KSR1: variants seen among roughly 807,000 people sequenced by gnomAD.
KSR1 encodes kinase suppressor of ras.
A neutral mutation model predicts 92.9 loss-of-function variants in KSR1; 35 were observed. That is an observed-to-expected ratio of 0.38 (90% CI 0.29 to 0.50). KSR1 has a LOEUF of 0.50. KSR1 is among the 20% of genes least tolerant of loss of function. KSR1 has a pLI of 0.94. For missense variants in KSR1, 972 were observed against 1,158.5 expected (o/e 0.84, Z 2.34); for synonymous variants, 467 against 472.6 (o/e 0.99, Z 0.15).
intron 1 of KSR1, among the ~76,000 whole-genome samples, chr17:27,518,527 C>G (rs191029704): frequency 4.6e-5 from 7 of 152,310 alleles, no homozygotes; most frequent in Admixed American, 3.3e-4. Flanking sequence ...CACCCAGTGC[C>G]CATTCATCAT....
At chr17:27,525,032 T>A (rs2070204380) in intron 1 of KSR1, among the ~76,000 whole-genome samples, 1 of 152,244 alleles carries the variant, frequency 6.6e-6, no homozygotes, top group African/African-American at 2.4e-5. Context: ...AATGTGATCA[T>A]TCTAGACACA....
intron 18 of KSR1, among the ~76,000 whole-genome samples, chr17:27,616,002 A>G (rs1048253911): frequency 2.6e-5 from 4 of 152,186 alleles, no homozygotes; most frequent in African/African-American, 4.8e-5. Context: ...GTGGATGCCT[A>G]TCTTACTCTT....
chr17:27,602,036 C>A, intron 11 of KSR1: 1 of 979,876 alleles, frequency 1.0e-6, no homozygotes, highest in East Asian at 2.6e-5. Context: ...ATTCCTGCCC[C>A]TAAAGTGCTT....
intron 1 of KSR1, among the ~76,000 whole-genome samples, chr17:27,492,078 G>A (rs1278656333): frequency 1.3e-5 from 2 of 152,198 alleles, no homozygotes; most frequent in African/African-American, 4.8e-5. Flanking sequence ...GCCTTTGCTG[G>A]AGACAGACGG....
intron 18 of KSR1, among the ~76,000 whole-genome samples, chr17:27,613,843 G>A (rs989667519): frequency 2.6e-5 from 4 of 152,152 alleles, no homozygotes; most frequent in South Asian, 2.1e-4. Flanking sequence ...TTGCTCTGTC[G>A]CCCAGGCTGA....
intron 1 of KSR1, among the ~76,000 whole-genome samples, chr17:27,534,644 C>T (rs1469103651): frequency 2.0e-5 from 3 of 152,216 alleles, no homozygotes; most frequent in East Asian, 1.9e-4. Flanking sequence ...TATACAGCAG[C>T]GGCATCCTGT....
rs996174890 is a variant in KSR1 at position 27,626,088 on chromosome 17, G to A, written c.*2696G>A. 1 of 152,268 alleles carries A rather than the reference G, an allele frequency of 6.6e-6. No individual in the cohort carries two copies. Among genetic ancestry groups the A allele is most frequent in the South Asian group, 2.1e-4 (1 of 4,836 alleles). 9.4% of individuals were successfully genotyped at this position (152,268 alleles called of 1,614,324 possible). On this transcript the variant is annotated 3_prime_UTR_variant, in exon 21 of 21. Transcript: ENST00000644974. The stretch of plus-strand genomic sequence containing the variant: ...AAGCCCTGGAAACCTGTGTTATTCT[G>A]TGTTGATTTGGTGTGGGGGGAGGGT...
In KSR1 at chr17:27,625,566, GC is replaced by G. The variant is rs1275503885; in HGVS notation, c.*2176del. The G allele has an allele frequency of 6.6e-6, 1 of 152,220 alleles. No individual in the cohort carries two copies. Among genetic ancestry groups the G allele is most frequent in the Admixed American group, 6.5e-5 (1 of 15,288 alleles). 9.4% of individuals were successfully genotyped at this position (152,220 alleles called of 1,614,324 possible). On this transcript the variant is annotated 3_prime_UTR_variant, in exon 21 of 21. Coordinates refer to ENST00000644974, the MANE Select transcript of KSR1 (RefSeq NM_001394583.1). ...AAGGACTGGGGGCAGCTGGCTCTCA[GC>G]CTGCCACCTCTGCACTGCCTGCCTT...
intron 1 of KSR1, among the ~76,000 whole-genome samples, chr17:27,538,490 A>G (rs1371750191): frequency 6.6e-6 from 1 of 152,230 alleles, no homozygotes; most frequent in Admixed American, 6.5e-5. Flanking sequence ...AAACTGTCAC[A>G]GGTAACCAGC....
At chr17:27,617,246 C>A (rs753210934) in intron 18 of KSR1, 49 bp from the exon 19 acceptor site, 2 of 1,565,234 alleles carry the variant, frequency 1.3e-6, no homozygotes, top group Non-Finnish European at 1.7e-6. Flanking sequence ...CTGTGTGCCC[C>A]CTCCCTCCCA....
At chr17:27,562,764 C>T (rs1350425490) in intron 2 of KSR1, among the ~76,000 whole-genome samples, 2 of 152,226 alleles carry the variant, frequency 1.3e-5, no homozygotes, top group East Asian at 1.9e-4. Context: ...ACATAAATTT[C>T]AGTGGCCCCT....
In KSR1 at chr17:27,603,772, G is replaced by C. The variant is rs746323733; in HGVS notation, c.1511-62G>C. 197 of 1,553,972 alleles carry C rather than the reference G, an allele frequency of 1.3e-4. No homozygotes were observed. The Middle Eastern group carries it at 1.3e-3, about 11-fold the overall frequency. The stretch of plus-strand genomic sequence containing the variant: ...TCTGGGGGTGCTGGGTTTCAAGCAC[G>C]GTGTCTCTTTGGGGAGAGGAAAGCA... On this transcript the variant is annotated intron_variant, in intron 11 of 20. Coordinates refer to ENST00000644974, the MANE Select transcript of KSR1 (RefSeq NM_001394583.1).
intron 9 of KSR1, 139 bp from the exon 10 acceptor site, chr17:27,597,129 T>C: frequency 1.1e-6 from 1 of 920,220 alleles, no homozygotes. Context: ...TCCTCAAATG[T>C]TAGATGTGTA....
chr17:27,483,771 G>A (rs776827674), intron 1 of KSR1: 4 of 152,420 alleles, frequency 2.6e-5, no homozygotes, highest in East Asian at 1.9e-4. Context: ...CCCAGCTGCC[G>A]TGAGCCTTGG....
chr17:27,584,022 T>C, intron 4 of KSR1: 1 of 968,832 alleles, frequency 1.0e-6, no homozygotes, highest in Non-Finnish European at 1.2e-6. Context: ...TAGTTTATCT[T>C]GTCCCTTCTT....
Position 27,507,460 on chromosome 17 carries a change from G to GT in KSR1, c.232-43104dup, listed in dbSNP as rs1277091711. 2.8e-5 allele frequency among the ~76,000 whole-genome samples: 4 copies of GT among 143,342 alleles called. No individual in the cohort carries two copies. In the Admixed American group the frequency reaches 2.8e-4, roughly 10 times the overall value. The allele number at this position is 143,342 out of a possible 152,430, so 94.0% of individuals were successfully genotyped here. On this transcript the variant is annotated intron_variant, in intron 1 of 20. Coordinates refer to ENST00000644974, the MANE Select transcript of KSR1 (RefSeq NM_001394583.1). ...AGGAAAAAATATATATATTTTTAAT[G>GT]TTTTATATTTATTTTTGTATGTTTT...
chr17:27,529,229 T>C (rs1567796266), intron 1 of KSR1, among the ~76,000 whole-genome samples: 2 of 152,232 alleles, frequency 1.3e-5, no homozygotes, highest in Non-Finnish European at 2.9e-5. Flanking sequence ...TTGTTAACTT[T>C]CTAGAAGATT....
At chr17:27,609,120 T>G in intron 15 of KSR1, 76 bp from the exon 16 acceptor site, 2 of 1,475,294 alleles carry the variant, frequency 1.4e-6, no homozygotes, top group Non-Finnish European at 1.8e-6. Context: ...ATATGGGGAT[T>G]TAGGTAAATC....
intron 2 of KSR1, among the ~76,000 whole-genome samples, chr17:27,567,514 C>G (rs1010936260): frequency 1.3e-5 from 2 of 152,154 alleles, no homozygotes; most frequent in Non-Finnish European, 2.9e-5. Flanking sequence ...GCCACTGAGG[C>G]CTAGGACCTG....
Sources: gnomAD v4.1 joint callset for allele counts (sites outside exome capture counted in the v4.1 genomes callset) on GRCh38, gnomAD v4.1.1 for gene constraint, MANE v1.5 for transcripts, NCBI Gene and HGNC (gene_info 2026-07-23, HGNC 2026-07-21) for gene names.